The following COL11A1 variants were observed in gnomAD, a reference collection of about 807,000 sequenced individuals.
COL11A1 encodes collagen alpha-1(XI) chain.
In COL11A1, 74 loss-of-function variants were observed where a neutral mutation model predicts 265.2. The ratio of observed to expected loss-of-function variants is 0.28; its 90% CI spans 0.23 to 0.34. COL11A1 has a LOEUF of 0.34. COL11A1 is among the 10% of genes least tolerant of loss of function. The pLI, the probability that COL11A1 is intolerant of heterozygous loss-of-function variation, is 1.00. For missense variants in COL11A1, 2,165 were observed against 2,263.6 expected (o/e 0.96, Z 0.88); for synonymous variants, 816 against 727.6 (o/e 1.12, Z -1.96).
chr1:102,892,313 C>A (rs768597297), intron 57 of COL11A1, among the ~76,000 whole-genome samples: 6 of 152,136 alleles, frequency 3.9e-5, no homozygotes, highest in Non-Finnish European at 7.4e-5. Flanking sequence ...TTCTACAAGG[C>A]TACCATGAGT....
At chr1:102,925,038 C>T (rs776436019) in intron 46 of COL11A1, among the ~76,000 whole-genome samples, 26 of 151,296 alleles carry the variant, frequency 1.7e-4, no homozygotes, top group Non-Finnish European at 3.4e-4. Flanking sequence ...TTAATGTTTG[C>T]ATAATATTTT....
chr1:103,025,755 T>C, intron 6 of COL11A1, 142 bp from the exon 7 acceptor site: 1 of 1,609,148 alleles, frequency 6.2e-7, no homozygotes, highest in Non-Finnish European at 8.5e-7. Context: ...ATCAGAGATC[T>C]TCCAGCTTAT....
At chr1:102,947,878 GA>G (rs546147926) in intron 41 of COL11A1, among the ~76,000 whole-genome samples, 38 of 151,824 alleles carry the variant, frequency 2.5e-4, no homozygotes, top group Middle Eastern at 3.7e-3. Context: ...TGGATTCTCA[GA>G]GGGGTGATTG....
chr1:102,891,256 TTA>T (rs1423845847), intron 57 of COL11A1, among the ~76,000 whole-genome samples: 2 of 152,216 alleles, frequency 1.3e-5, no homozygotes, highest in African/African-American at 4.8e-5. Context: ...CATGAAGAAG[TTA>T]GAGATCATGA....
intron 54 of COL11A1, among the ~76,000 whole-genome samples, chr1:102,903,650 C>G (rs1653515404): frequency 6.6e-6 from 1 of 152,244 alleles, no homozygotes; most frequent in Middle Eastern, 3.4e-3. Flanking sequence ...GAAATATGCT[C>G]TTGCTATTTT....
intron 4 of COL11A1, among the ~76,000 whole-genome samples, chr1:103,066,618 C>T (rs1327660181): frequency 6.9e-6 from 1 of 144,300 alleles, no homozygotes; most frequent in East Asian, 2.0e-4. Context: ...ACAGAGAGTA[C>T]AAAGAAAATA....
intron 4 of COL11A1, among the ~76,000 whole-genome samples, chr1:103,065,149 A>G (rs1282286874): frequency 6.7e-6 from 1 of 149,682 alleles, no homozygotes; most frequent in African/African-American, 2.5e-5. Context: ...TGGGGCAAAT[A>G]GTATATGGGA....
intron 54 of COL11A1, among the ~76,000 whole-genome samples, chr1:102,899,643 A>G (rs1216264284): frequency 6.6e-6 from 1 of 152,198 alleles, no homozygotes; most frequent in Non-Finnish European, 1.5e-5. Context: ...AGAATGACTG[A>G]AAAAGAAACT....
intron 37 of COL11A1, among the ~76,000 whole-genome samples, chr1:102,969,150 T>C (rs554515381): frequency 1.3e-5 from 2 of 152,326 alleles, no homozygotes; most frequent in South Asian, 4.1e-4. Context: ...AATTTTGCTT[T>C]TGAAATCCAA....
chr1:102,969,377 AT>A (rs770224057), intron 37 of COL11A1, among the ~76,000 whole-genome samples: 1 of 152,230 alleles, frequency 6.6e-6, no homozygotes, highest in Non-Finnish European at 1.5e-5. Flanking sequence ...TTTCAACCAC[AT>A]AGTCAAAGGT....
At position 102,889,651 on chromosome 1, in the gene COL11A1, A is replaced by G. The variant is rs565404949; in HGVS notation, c.4357-89T>C. 8.9e-5 allele frequency: 83 copies of G among 934,334 alleles called. No individual in the cohort carries two copies. In the South Asian group the frequency reaches 9.4e-4, roughly 11 times the overall value. 57.9% of individuals were successfully genotyped at this position (934,334 alleles called of 1,614,324 possible). A position where few individuals can be genotyped will look rare whatever the true frequency, so the allele number is the denominator to read the frequency against. On this transcript the variant is annotated intron_variant, in intron 58 of 66. Coordinates refer to ENST00000370096, the MANE Select transcript of COL11A1 (RefSeq NM_001854.4). ...TAAAATATTTGCACATTAAATTTCTAAAGCATAAAAATGAACAATGCTGAT... is the reference window on the plus strand; with the variant it reads ...TAAAATATTTGCACATTAAATTTCTGAAGCATAAAAATGAACAATGCTGAT...
rs1298293526 is a variant in COL11A1, at chr1:103,078,827, G to A, written c.319C>T (p.Pro107Ser). The A allele has an allele frequency of 6.2e-7, 1 of 1,611,540 alleles. No individual in the cohort carries two copies. Among genetic ancestry groups the A allele is most frequent in the African/African-American group, 1.3e-5 (1 of 74,724 alleles). ...EDFSILFTVK[P>S]KKGIQSFLLS... Reference sequence around the variant, plus strand: ...AGGAAAGACTGAATTCCTTTTTTTGGTTTTACTGTAAATAGTATTGAAAAG... The same window carrying A: ...AGGAAAGACTGAATTCCTTTTTTTGATTTTACTGTAAATAGTATTGAAAAG... The change falls in exon 3 of 67, where the codon CCA (proline) becomes TCA (serine). Residue 107 changes from proline to serine, a missense_variant. Pro to Ser is a moderately conservative substitution (Grantham distance 74). Coordinates refer to ENST00000370096, the MANE Select transcript of COL11A1 (RefSeq NM_001854.4).
At chr1:102,958,740 CAGTG>C (rs1660611069) in intron 41 of COL11A1, among the ~76,000 whole-genome samples, 1 of 152,130 alleles carries the variant, frequency 6.6e-6, no homozygotes, top group Non-Finnish European at 1.5e-5. Context: ...CAAATAAACA[CAGTG>C]AGCATCTATC....
At chr1:103,057,928 G>A (rs1241251691) in intron 4 of COL11A1, among the ~76,000 whole-genome samples, 3 of 152,148 alleles carry the variant, frequency 2.0e-5, no homozygotes, top group African/African-American at 7.2e-5. Flanking sequence ...TCAACTTAAA[G>A]TAGCCAGCTG....
chr1:103,061,399 A>G (rs1274523011), intron 4 of COL11A1, among the ~76,000 whole-genome samples: 1 of 152,096 alleles, frequency 6.6e-6, no homozygotes, highest in African/African-American at 2.4e-5. Context: ...ATCAAAAAAG[A>G]TAATTTTCAT....
intron 53 of COL11A1, among the ~76,000 whole-genome samples, chr1:102,912,731 G>C (rs1654836034): frequency 6.6e-6 from 1 of 152,162 alleles, no homozygotes. Context: ...CCCAGTGGGA[G>C]GTAATTGAGT....
chr1:102,907,636 G>A (rs1396148275), intron 54 of COL11A1, among the ~76,000 whole-genome samples: 4 of 151,946 alleles, frequency 2.6e-5, no homozygotes, highest in African/African-American at 7.2e-5. Context: ...ATGAAATAAT[G>A]TAATATATAT....
intron 54 of COL11A1, among the ~76,000 whole-genome samples, chr1:102,909,396 C>T (rs1654379766): frequency 6.6e-6 from 1 of 152,108 alleles, no homozygotes; most frequent in Admixed American, 6.6e-5. Flanking sequence ...CTAGATAAAC[C>T]TCTTTTCTTT....
intron 21 of COL11A1, among the ~76,000 whole-genome samples, 155 bp downstream of exon 21, chr1:103,003,060 G>C (rs1438241633): frequency 2.0e-5 from 3 of 152,072 alleles, no homozygotes; most frequent in Non-Finnish European, 4.4e-5. Context: ...AAGAAAAGGA[G>C]GGAATGATGA....
Sources: gnomAD v4.1 joint callset for allele counts (sites outside exome capture counted in the v4.1 genomes callset) on GRCh38, gnomAD v4.1.1 for gene constraint, MANE v1.5 for transcripts, NCBI Gene and HGNC (gene_info 2026-07-23, HGNC 2026-07-21) for gene names.